CDC42BPA: variants seen among roughly 807,000 people sequenced by gnomAD.
The protein encoded by CDC42BPA is CDC42 binding protein kinase alpha, also known as serine/threonine-protein kinase MRCK alpha.
A neutral mutation model predicts 223.5 loss-of-function variants in CDC42BPA; 80 were observed. The observed-to-expected ratio is 0.36, with a 90% CI of 0.30 to 0.43. The LOEUF (loss-of-function observed/expected upper bound fraction) is 0.43. Among genes scored for constraint, CDC42BPA ranks in the 20% least tolerant of loss-of-function variants. CDC42BPA has a pLI of 1.00. For synonymous variants in CDC42BPA, 694 were observed against 718.6 expected (o/e 0.97, Z 0.55); for missense variants, 1,743 against 2,099.9 (o/e 0.83, Z 3.32).
chr1:227,038,871 G>C (rs1670828203), intron 24 of CDC42BPA, among the ~76,000 whole-genome samples: 1 of 152,204 alleles, frequency 6.6e-6, no homozygotes, highest in Non-Finnish European at 1.5e-5. Context: ...AAAGGTCATG[G>C]CAATAGTTTT....
At chr1:227,133,304 C>T (rs1342901465) in intron 10 of CDC42BPA, among the ~76,000 whole-genome samples, 1 of 151,800 alleles carries the variant, frequency 6.6e-6, no homozygotes, top group African/African-American at 2.4e-5. Context: ...TGAGGAGCCC[C>T]TCTGCCCGGC....
At chr1:227,311,393 CG>C (rs1235507395) in intron 1 of CDC42BPA, among the ~76,000 whole-genome samples, 1 of 152,032 alleles carries the variant, frequency 6.6e-6, no homozygotes, top group Admixed American at 6.6e-5. Flanking sequence ...TCTTGGTCCT[CG>C]ATACCTAAAA....
chr1:227,156,828 G>A (rs1437103125), intron 6 of CDC42BPA, among the ~76,000 whole-genome samples: 3 of 151,984 alleles, frequency 2.0e-5, no homozygotes, highest in South Asian at 2.1e-4. Flanking sequence ...AGCTCTCTCC[G>A]TGGAGTTATT....
intron 1 of CDC42BPA, among the ~76,000 whole-genome samples, chr1:227,302,456 G>C (rs1312663972): frequency 6.6e-6 from 1 of 152,172 alleles, no homozygotes; most frequent in Non-Finnish European, 1.5e-5. Context: ...CTGTCTTCTA[G>C]CTTCTAGAGT....
chr1:227,257,553 C>G (rs2813963), intron 1 of CDC42BPA, among the ~76,000 whole-genome samples: 15,023 of 150,618 alleles, frequency 0.1, 1,359 homozygotes, highest in East Asian at 0.36. Context: ...AGTTCAAGAC[C>G]AGCCTGGTCA....
intron 1 of CDC42BPA, among the ~76,000 whole-genome samples, chr1:227,309,831 T>G (rs1400720348): frequency 6.6e-6 from 1 of 152,202 alleles, no homozygotes; most frequent in African/African-American, 2.4e-5. Flanking sequence ...CAGCAGTGGT[T>G]CATTATGATG....
At chr1:227,304,206 A>T (rs1408556902) in intron 1 of CDC42BPA, among the ~76,000 whole-genome samples, 1 of 152,194 alleles carries the variant, frequency 6.6e-6, no homozygotes, top group African/African-American at 2.4e-5. Context: ...CAGGAGTTCC[A>T]GGCCAGCCTG....
At chr1:227,222,864 TTTTCAGCAAAC>T (rs1676185110) in intron 2 of CDC42BPA, among the ~76,000 whole-genome samples, 1 of 152,166 alleles carries the variant, frequency 6.6e-6, no homozygotes. Flanking sequence ...GCATGTTCAT[TTTTCAGCAAAC>T]TTTCAGAGAG....
intron 6 of CDC42BPA, among the ~76,000 whole-genome samples, chr1:227,149,943 G>A (rs1222288469): frequency 2.0e-5 from 3 of 152,146 alleles, no homozygotes; most frequent in African/African-American, 7.2e-5. Flanking sequence ...CTTAGAAGAG[G>A]TTGAGCGCAG....
At chr1:227,233,416 T>G (rs61834590) in intron 2 of CDC42BPA, among the ~76,000 whole-genome samples, 17,671 of 152,120 alleles carry the variant, frequency 0.12, 1,248 homozygotes, top group South Asian at 0.21. Context: ...CTTTGTCCTG[T>G]TCCTGATCTT....
intron 1 of CDC42BPA, among the ~76,000 whole-genome samples, chr1:227,310,106 G>A (rs1428298056): frequency 6.6e-6 from 1 of 152,222 alleles, no homozygotes; most frequent in East Asian, 1.9e-4. Flanking sequence ...ACCTTATACT[G>A]GAAGAACATT....
At chr1:227,135,143 T>G (rs139737797) in intron 10 of CDC42BPA, among the ~76,000 whole-genome samples, 27 of 152,252 alleles carry the variant, frequency 1.8e-4, no homozygotes, top group African/African-American at 5.1e-4. Context: ...AATTGAGAGA[T>G]AACATGCTGG....
rs1434424949 is a variant in CDC42BPA at position 227,157,556 on chromosome 1, G to A, written c.693+2987C>T. On this transcript the variant is annotated intron_variant, in intron 6 of 36. Coordinates refer to ENST00000366766, the MANE Select transcript of CDC42BPA (RefSeq NM_001394014.1). ...TCGGCACTTTAACCACATCTGACAT[G>A]GCCAGATGTGGTTCTCTTTATAGGT... Among the ~76,000 whole-genome samples the A allele has an allele frequency of 2.0e-5, 3 of 152,076 alleles. No homozygotes were observed. The East Asian group carries it at 5.8e-4, about 29-fold the overall frequency.
chr1:227,244,703 T>C (rs1366347900), intron 2 of CDC42BPA, among the ~76,000 whole-genome samples: 1 of 152,090 alleles, frequency 6.6e-6, no homozygotes, highest in African/African-American at 2.4e-5. Context: ...AGAAAAGCAC[T>C]CTCACAAGAA....
In CDC42BPA at chr1:226,994,768, G is replaced by GCAT. The variant is rs1661270180; in HGVS notation, c.5133+54_5133+55insATG. On this transcript the variant is annotated intron_variant, in intron 36 of 36. Transcript: ENST00000366766. The surrounding 1 kb of genome is among the most constrained non-coding windows in gnomAD (Gnocchi z 4.0). Reference sequence around the variant, plus strand: ...AATCCCAAGGTGGTGGGATTGCCTGGGAAGATGCCCTAGTCTTTCTGATAC... The same window carrying GCAT: ...AATCCCAAGGTGGTGGGATTGCCTGGCATGAAGATGCCCTAGTCTTTCTGATAC... 1 of 1,521,334 alleles carries GCAT rather than the reference G, an allele frequency of 6.6e-7. No homozygotes were observed. The highest frequency in any genetic ancestry group is 2.3e-5 in the East Asian group (1 of 43,418). The allele number at this position is 1,521,334 out of a possible 1,614,324, so 94.2% of individuals were successfully genotyped here.
intron 21 of CDC42BPA, among the ~76,000 whole-genome samples, chr1:227,067,727 C>A (rs1042443251): frequency 6.6e-6 from 1 of 152,120 alleles, no homozygotes; most frequent in Non-Finnish European, 1.5e-5. Context: ...AATTTTTAAA[C>A]ATCTAGATCA....
At chr1:227,032,614 C>T (rs1669490506) in intron 27 of CDC42BPA, among the ~76,000 whole-genome samples, 2 of 152,084 alleles carry the variant, frequency 1.3e-5, no homozygotes, top group African/African-American at 4.8e-5. Flanking sequence ...TTGCTTTGAC[C>T]AACAGAATGC....
chr1:227,043,948 T>C (rs1572446440), intron 23 of CDC42BPA, among the ~76,000 whole-genome samples: 1 of 152,222 alleles, frequency 6.6e-6, no homozygotes, highest in Admixed American at 6.5e-5. Context: ...CTCTCCAGAA[T>C]GGCTGTACCC....
chr1:227,269,851 C>A (rs920279023), intron 1 of CDC42BPA, among the ~76,000 whole-genome samples: 2 of 152,096 alleles, frequency 1.3e-5, no homozygotes, highest in Non-Finnish European at 2.9e-5. Context: ...GAAACAAGGA[C>A]TCTCATATCC....
Sources: gnomAD v4.1 joint callset for allele counts (sites outside exome capture counted in the v4.1 genomes callset) on GRCh38, gnomAD v4.1.1 for gene constraint, Gnocchi (gnomAD v3.1) non-coding constraint, MANE v1.5 for transcripts, NCBI Gene and HGNC (gene_info 2026-07-23, HGNC 2026-07-21) for gene names.